The following JAK3 variants were observed in gnomAD, a reference collection of about 807,000 sequenced individuals.
JAK3 encodes the protein Janus kinase 3.
JAK3 carries 88 observed loss-of-function variants against 120.8 expected under a neutral mutation model. The ratio of observed to expected loss-of-function variants is 0.73; its 90% confidence interval spans 0.61 to 0.87. JAK3 has a LOEUF of 0.87. Among genes scored for constraint, JAK3 ranks in the 40% least tolerant of loss-of-function variants. The pLI, the probability that JAK3 is intolerant of heterozygous loss-of-function variation, is 0.00. For missense variants in JAK3, 1,254 were observed against 1,501.4 expected (o/e 0.84, Z 2.72); for synonymous variants, 592 against 628.6 (o/e 0.94, Z 0.87).
In JAK3 at chr19:17,826,866, G is replaced by A. The variant is rs141607788; in HGVS notation, c.3252C>T (p.Asp1084=). 4.3e-6 allele frequency: 7 copies of A among 1,613,516 alleles called. No individual in the cohort carries two copies. The highest frequency in any genetic ancestry group is 5.9e-6 in the Non-Finnish European group (7 of 1,180,036). ...GGCCCAGGGCGCTGAATGATGGCCG[G>A]TCCTGTGGGCTAGGGGCCCAGCACA... ...MKLCWAPSPQ[D]RPSFSALGPQ... The change falls in exon 24 of 24, where the codon GAC becomes GAT. Residue 1084 remains aspartate (D), a synonymous_variant. Coordinates refer to ENST00000458235, the MANE Select transcript of JAK3 (RefSeq NM_000215.4).
At position 17,831,466 on chromosome 19, in the gene JAK3, G is replaced by A. The variant is rs1424175799; in HGVS notation, c.2806-66C>T. The A allele has an allele frequency of 6.3e-7, 1 of 1,584,210 alleles. No individual in the cohort carries two copies. Among genetic ancestry groups the A allele is most frequent in the Non-Finnish European group, 8.6e-7 (1 of 1,167,878 alleles). Reference sequence around the variant, plus strand: ...ATAATCCGGCAGGTACCCCAAGCGTGACCTGGCACCCCAACCCAGACCCCA... The same window carrying A: ...ATAATCCGGCAGGTACCCCAAGCGTAACCTGGCACCCCAACCCAGACCCCA... On this transcript the variant is annotated intron_variant, in intron 20 of 23. Coordinates refer to ENST00000458235, the MANE Select transcript of JAK3 (RefSeq NM_000215.4). This position sits in a 1 kb window ranked among gnomAD's most constrained non-coding sequence, Gnocchi z 5.1.
In JAK3 at chr19:17,843,168, C is replaced by A. The variant is rs964736085; in HGVS notation, c.425G>T (p.Arg142Leu). Residue 142 changes from arginine (R) to leucine (L), a missense_variant, in exon 5 of 24, where the codon CGC becomes CTC. Physicochemically the swap from Arg to Leu is moderately radical, Grantham distance 102. Transcript: ENST00000458235. The surrounding 1 kb of genome is among the most constrained non-coding windows in gnomAD (Gnocchi z 5.4). The stretch of plus-strand genomic sequence containing the variant: ...GAGGCGCCCACTCACCAGGTCACTG[C>A]GGTGCTGGGGGGCCGCCACAGGGAG... ...PVLEHLFAQH[R>L]SDLVSGRLPV... 2 of 1,603,486 alleles carry A rather than the reference C, an allele frequency of 1.2e-6. No individual in the cohort carries two copies. The highest frequency in any genetic ancestry group is 1.3e-5 in the African/African-American group (1 of 74,920).
At chr19:17,834,466 AACCTC>A in intron 17 of JAK3, 100 bp downstream of exon 17, 1 of 1,326,904 alleles carries the variant, frequency 7.5e-7, no homozygotes, top group Non-Finnish European at 1.1e-6. Flanking sequence ...CAACCCCTCC[AACCTC>A]ACCAGACACA....
rs1008387488 is a variant in JAK3, at chr19:17,841,087, G to A, written c.1142+302C>T. Among the ~76,000 whole-genome samples the A allele has an allele frequency of 3.9e-5, 6 of 152,080 alleles. No homozygotes were observed. Among genetic ancestry groups the A allele is most frequent in the African/African-American group, 7.2e-5 (3 of 41,412 alleles). ...CTGCCTTGGCCCCTCAAAGCGCTGC[G>A]ATTGCAGGTGTGCCCCACTATGCCT... On this transcript the variant is annotated intron_variant, in intron 8 of 23. Transcript: ENST00000458235. The surrounding 1 kb of genome is among the most constrained non-coding windows in gnomAD (Gnocchi z 4.1).
At chr19:17,830,328 T>G in intron 22 of JAK3, 110 bp from the exon 23 acceptor site, 1 of 968,170 alleles carries the variant, frequency 1.0e-6, no homozygotes, top group Non-Finnish European at 1.6e-6. Context: ...GGGGAGGGGC[T>G]GCCTGAACCG....
chr19:17,842,273 CG>C lies in JAK3; in HGVS notation c.861+42del. The stretch of plus-strand genomic sequence containing the variant: ...CACTCTCCGGCCCCTCCCCGAGCCC[CG>C]CCCCCACGTTGGCCCCGCCCAGCGG... On this transcript the variant is annotated intron_variant, in intron 6 of 23. Transcript: ENST00000458235. This position sits in a 1 kb window ranked among gnomAD's most constrained non-coding sequence, Gnocchi z 6.4. The C allele has an allele frequency of 1.7e-5, 25 of 1,477,260 alleles. No homozygotes were observed. Among genetic ancestry groups the C allele is most frequent in the Admixed American group, 2.2e-5 (1 of 45,000 alleles). The allele number at this position is 1,477,260 out of a possible 1,614,324, so 91.5% of individuals were successfully genotyped here.
In JAK3 at chr19:17,843,481, G is replaced by A; in HGVS notation, c.319C>T (p.Pro107Ser). ...CACTTCTCCAGCCCAAACCAATTGG[G>A]GAAGTAAAAGCTGTGAGGAGAGGAG... ...VLLYRIRFYFPNWFGLEKCHR... is the reference protein window; with the variant it reads ...VLLYRIRFYFSNWFGLEKCHR... The change falls in exon 4 of 24, where the codon CCC (proline) becomes TCC (serine). Residue 107 changes from proline (P) to serine (S), a missense_variant. Around this residue, in one of 3 missense-constraint regions of JAK3, gnomAD observed 138 missense variants for 178.7 expected, o/e 0.77. Coordinates refer to ENST00000458235, the MANE Select transcript of JAK3 (RefSeq NM_000215.4). This position sits in a 1 kb window ranked among gnomAD's most constrained non-coding sequence, Gnocchi z 5.4. The A allele has an allele frequency of 1.3e-6, 2 of 1,594,122 alleles. No individual in the cohort carries two copies. Among genetic ancestry groups the A allele is most frequent in the Non-Finnish European group, 1.7e-6 (2 of 1,169,848 alleles).
Position 17,831,218 on chromosome 19 carries a change from G to A in JAK3, c.2978+10C>T, listed in dbSNP as rs1360315685. ...GGAATAGGGGCGGAGCCTAGGCGCG[G>A]GTTCCCCACCAGAAAATGGGGCTCT... On this transcript the variant is annotated intron_variant, in intron 21 of 23. Transcript: ENST00000458235. The surrounding 1 kb of genome is among the most constrained non-coding windows in gnomAD (Gnocchi z 5.1). 1.2e-6 allele frequency: 2 copies of A among 1,610,948 alleles called. No homozygotes were observed. The highest frequency in any genetic ancestry group is 1.1e-5 in the South Asian group (1 of 91,078).
rs915776383 is a variant in JAK3, at chr19:17,837,878, G to A, written c.1701+54C>T. Reference sequence around the variant, plus strand: ...TGTTTTTAAATTTCTCTGCATCCACGACCCCCTCTCCAGCCAGCCCCGACT... The same window carrying A: ...TGTTTTTAAATTTCTCTGCATCCACAACCCCCTCTCCAGCCAGCCCCGACT... On this transcript the variant is annotated intron_variant, in intron 12 of 23. Transcript: ENST00000458235. 25 of 1,611,382 alleles carry A rather than the reference G, an allele frequency of 1.6e-5. No individual in the cohort carries two copies. In the African/African-American group the frequency reaches 1.7e-4, roughly 11 times the overall value.
At position 17,835,926 on chromosome 19, in the gene JAK3, G is replaced by A; in HGVS notation, c.1912C>T (p.Leu638=). Residue 638 remains leucine (L), a splice_region_variant and synonymous_variant, in exon 14 of 24, where the codon CTG becomes TTG. Transcript: ENST00000458235. The part of the protein sequence containing the change: ...VKQLAYALNY[L]EDKGLPHGNV... ...GGAGCAGGCAGAGGAGCACTCACCA[G>A]ATAGTTGAGGGCGTAGGCCAGCTGT... 2 of 1,613,898 alleles carry A rather than the reference G, an allele frequency of 1.2e-6. No individual in the cohort carries two copies. The highest frequency in any genetic ancestry group is 1.7e-6 in the Non-Finnish European group (2 of 1,180,034).
In JAK3 at chr19:17,826,772, C is replaced by T. The variant is rs1195886720; in HGVS notation, c.3346G>A (p.Gly1116Ser). Residue 1116 changes from glycine to serine, a missense_variant, in exon 24 of 24, where the codon GGC becomes AGC. Transcript: ENST00000458235. ...ETHAFTAHPE[G>S]KHHSLSFS ...GAAAAGGACAGGGAGTGGTGTTTGCCCTCTGGGTGAGCAGTGAAGGCATGA... is the reference window on the plus strand; with the variant it reads ...GAAAAGGACAGGGAGTGGTGTTTGCTCTCTGGGTGAGCAGTGAAGGCATGA... 6.2e-7 allele frequency: 1 copy of T among 1,614,050 alleles called. No homozygotes were observed. The highest frequency in any genetic ancestry group is 8.5e-7 in the Non-Finnish European group (1 of 1,179,988).
At chr19:17,830,707 T>G in intron 21 of JAK3, 87 bp from the exon 22 acceptor site, 2 of 1,058,286 alleles carry the variant, frequency 1.9e-6, no homozygotes, top group South Asian at 2.5e-5. Context: ...CTGGTCAGGG[T>G]AGGTGGGGAC....
rs2147681580 is a variant in JAK3, at chr19:17,834,638, G to A, written c.2283C>T (p.Ala761=). Residue 761 remains alanine (A), a synonymous_variant, in exon 17 of 24, where the codon GCC becomes GCT. Transcript: ENST00000458235. ...AGGAGGGCCTCTGGACCGGCTCATA[G>A]GCCATGCACTGTTGAATCAGCAGGG... The part of the protein sequence containing the change: ...ELALLIQQCM[A]YEPVQRPSFR... 1 of 1,613,770 alleles carries A rather than the reference G, an allele frequency of 6.2e-7. No homozygotes were observed. The highest frequency in any genetic ancestry group is 8.5e-7 in the Non-Finnish European group (1 of 1,179,860).
At chr19:17,846,285 T>C (rs2094252018) in intron 1 of JAK3, among the ~76,000 whole-genome samples, 1 of 152,176 alleles carries the variant, frequency 6.6e-6, no homozygotes, top group African/African-American at 2.4e-5. Context: ...TTCTTGATGA[T>C]GTGCCGGTAA....
At position 17,835,174 on chromosome 19, in the gene JAK3, C is replaced by T. The variant is rs575945412; in HGVS notation, c.1956G>A (p.Lys652=). Residue 652 remains lysine, a synonymous_variant, in exon 15 of 24, where the codon AAG becomes AAA. Coordinates refer to ENST00000458235, the MANE Select transcript of JAK3 (RefSeq NM_000215.4). The part of the protein sequence containing the change: ...GLPHGNVSAR[K]VLLAREGADG... The stretch of plus-strand genomic sequence containing the variant: ...CAGCCCCCTCCCGAGCCAGGAGCAC[C>T]TTCCGGGCAGAGACATTGCCATGGG... The T allele has an allele frequency of 3.1e-6, 5 of 1,614,236 alleles. No homozygotes were observed. In the South Asian group the frequency reaches 3.3e-5, roughly 11 times the overall value.
intron 1 of JAK3, among the ~76,000 whole-genome samples, chr19:17,847,448 T>G (rs535674157): frequency 9.2e-5 from 14 of 152,216 alleles, no homozygotes; most frequent in African/African-American, 2.9e-4. Flanking sequence ...GTTTTTTTGG[T>G]TTTTTAAAAA....
chr19:17,846,759 A>G (rs1467127029), intron 1 of JAK3, among the ~76,000 whole-genome samples: 1 of 151,430 alleles, frequency 6.6e-6, no homozygotes, highest in Non-Finnish European at 1.5e-5. Context: ...TAATTTTTGT[A>G]TTTTTAGTAG....
At chr19:17,839,259 T>C in intron 10 of JAK3, 1 of 675,578 alleles carries the variant, frequency 1.5e-6, no homozygotes, top group Non-Finnish European at 2.7e-6. Flanking sequence ...GGAGAGAGAC[T>C]AGGTGCAGAT....
intron 13 of JAK3, 84 bp downstream of exon 13, chr19:17,837,045 A>G: frequency 3.4e-6 from 3 of 871,928 alleles, no homozygotes; most frequent in South Asian, 2.8e-5. Flanking sequence ...TGGGGCTGTC[A>G]TATAGCGGCT....
Sources: gnomAD v4.1 joint callset for allele counts (sites outside exome capture counted in the v4.1 genomes callset) on GRCh38, gnomAD v4.1.1 for gene constraint, gnomAD v4.1.1 regional missense constraint, Gnocchi (gnomAD v3.1) non-coding constraint, MANE v1.5 for transcripts, NCBI Gene and HGNC (gene_info 2026-07-23, HGNC 2026-07-21) for gene names.